Variants in ARHGAP32 observed in about 807,000 individuals in gnomAD.
The protein encoded by ARHGAP32 is rho GTPase-activating protein 32.
ARHGAP32 carries 51 observed loss-of-function variants against 186.5 expected under a neutral mutation model. The observed-to-expected ratio is 0.27, with a 90% CI of 0.22 to 0.35. The LOEUF is 0.35. Among genes scored for constraint, ARHGAP32 ranks in the 10% least tolerant of loss-of-function variants. ARHGAP32 has a pLI of 1.00. For missense variants in ARHGAP32, 2,186 were observed against 2,623.5 expected (o/e 0.83, Z 3.64); for synonymous variants, 950 against 964.3 (o/e 0.99, Z 0.27).
intron 2 of ARHGAP32, chr11:129,126,101 G>C (rs1565434679): frequency 8.3e-6 from 2 of 241,712 alleles, no homozygotes; most frequent in African/African-American, 4.7e-5. Context: ...TATCATACTA[G>C]AAAAAAATTT....
chr11:129,067,245 G>T (rs1274566980), intron 6 of ARHGAP32, among the ~76,000 whole-genome samples: 8 of 151,966 alleles, frequency 5.3e-5, no homozygotes. Context: ...ATCAGGTTTT[G>T]ATTTGTTACT....
At chr11:129,195,988 G>C (rs73019177), upstream of ARHGAP32, among the ~76,000 whole-genome samples, 1,471 of 152,274 alleles carry the variant, frequency 9.7e-3, 19 homozygotes, top group Middle Eastern at 0.031. Flanking sequence ...CTTTTATGGA[G>C]CTGAAGTCTT....
Position 128,969,761 on chromosome 11 carries a change from G to A in ARHGAP32, c.5452C>T (p.Leu1818Phe), listed in dbSNP as rs766326712. Reference protein sequence around the residue: ...SKSDPGKTGLLSVAEGKESRH... With the variant: ...SKSDPGKTGLFSVAEGKESRH... The stretch of plus-strand genomic sequence containing the variant: ...CTCTCCTTTCCTTCTGCCACTGAGA[G>A]AAGTCCAGTTTTCCCAGGATCTGAT... The change falls in exon 23 of 23, where the codon CTC becomes TTC. Residue 1818 changes from leucine to phenylalanine, a missense_variant. Around this residue, in one of 5 missense-constraint regions of ARHGAP32, gnomAD observed 1,502 missense variants for 1,570.0 expected, o/e 0.96. Transcript: ENST00000682385. This position sits in a 1 kb window ranked among gnomAD's most constrained non-coding sequence, Gnocchi z 4.8. The A allele has an allele frequency of 6.2e-7, 1 of 1,614,150 alleles. No homozygotes were observed. Among genetic ancestry groups the A allele is most frequent in the Admixed American group, 1.7e-5 (1 of 60,026 alleles).
intron 1 of ARHGAP32, among the ~76,000 whole-genome samples, chr11:129,236,580 G>A (rs1182806621): frequency 6.6e-6 from 1 of 151,976 alleles, no homozygotes; most frequent in Non-Finnish European, 1.5e-5. Flanking sequence ...TTCACTTTTG[G>A]GTTCTCAGTC....
chr11:129,066,632 C>G, intron 7 of ARHGAP32, 99 bp downstream of exon 7: 1 of 1,099,814 alleles, frequency 9.1e-7, no homozygotes, highest in Non-Finnish European at 1.2e-6. Flanking sequence ...AGGAATCACC[C>G]TGCGTGTTCA....
At chr11:129,039,789 G>A (rs1010974256) in intron 11 of ARHGAP32, among the ~76,000 whole-genome samples, 1 of 152,100 alleles carries the variant, frequency 6.6e-6, no homozygotes, top group African/African-American at 2.4e-5. Context: ...CTACAGTTAC[G>A]AATGAAGATT....
At chr11:129,178,970 G>C (rs1339920378) in intron 1 of ARHGAP32, among the ~76,000 whole-genome samples, 1 of 151,922 alleles carries the variant, frequency 6.6e-6, no homozygotes, top group African/African-American at 2.4e-5. Context: ...AAGAGCTTCT[G>C]CACAGCAAAA....
In ARHGAP32 at chr11:128,971,118, A is replaced by G; in HGVS notation, c.4095T>C (p.Pro1365=). ...VVPVPERPPE[P]RAMDDPASAF... ...CAGACGCAGGGTCATCCATGGCTCG[A>G]GGTTCAGGTGGCCTCTCTGGAACTG... The change falls in exon 23 of 23, where the codon CCT becomes CCC. Residue 1365 remains proline (P), a synonymous_variant. Coordinates refer to ENST00000682385, the MANE Select transcript of ARHGAP32 (RefSeq NM_001378024.1). The G allele has an allele frequency of 6.2e-7, 1 of 1,614,002 alleles. No individual in the cohort carries two copies. The highest frequency in any genetic ancestry group is 8.5e-7 in the Non-Finnish European group (1 of 1,179,888).
At chr11:129,178,215 C>G (rs528816483) in intron 1 of ARHGAP32, among the ~76,000 whole-genome samples, 327 of 152,016 alleles carry the variant, frequency 2.2e-3, no homozygotes, top group Admixed American at 3.5e-3. Flanking sequence ...GAATAAAATA[C>G]CTAGGAATCC....
In ARHGAP32 at chr11:129,163,206, A is replaced by G. The variant is rs1943565593; in HGVS notation, c.225+1113T>C. 3.3e-5 allele frequency among the ~76,000 whole-genome samples: 5 copies of G among 152,174 alleles called. No homozygotes were observed. In the South Asian group the frequency reaches 1.0e-3, roughly 32 times the overall value. ...TGTGCCTGAGTGAAAGACATTTTCA[A>G]AAATGAAGTAAGTAAAATATCATTA... On this transcript the variant is annotated intron_variant, in intron 2 of 22. Coordinates refer to ENST00000682385, the MANE Select transcript of ARHGAP32 (RefSeq NM_001378024.1).
chr11:128,987,437 T>TA (rs1271906080), intron 13 of ARHGAP32, among the ~76,000 whole-genome samples: 3 of 152,186 alleles, frequency 2.0e-5, no homozygotes, highest in Admixed American at 6.5e-5. Context: ...TATGATCTGT[T>TA]AAAGTATTAA....
At chr11:129,268,804 C>T (rs1348041361) in intron 1 of ARHGAP32, among the ~76,000 whole-genome samples, 1 of 151,848 alleles carries the variant, frequency 6.6e-6, no homozygotes, top group African/African-American at 2.4e-5. Context: ...CTACTGCTAC[C>T]AGCTGGATCC....
upstream of ARHGAP32, among the ~76,000 whole-genome samples, chr11:129,193,735 ATATAT>A (rs1944350597): frequency 1.1e-5 from 1 of 94,832 alleles, no homozygotes; most frequent in Admixed American, 1.7e-4. Context: ...TATATATAAT[ATATAT>A]TATATAATAC....
At chr11:129,151,066 G>A (rs927384381) in intron 2 of ARHGAP32, among the ~76,000 whole-genome samples, 1 of 152,056 alleles carries the variant, frequency 6.6e-6, no homozygotes, top group Admixed American at 6.6e-5. Context: ...CAAATGCAAG[G>A]AGGAGTAGCA....
chr11:129,126,970 T>A (rs1942676836), intron 2 of ARHGAP32, among the ~76,000 whole-genome samples: 1 of 152,210 alleles, frequency 6.6e-6, no homozygotes, highest in Admixed American at 6.5e-5. Context: ...TTTTCACTAC[T>A]CTGTATTGTT....
chr11:129,199,346 G>A (rs553344284), intron 1 of ARHGAP32, among the ~76,000 whole-genome samples: 1 of 152,228 alleles, frequency 6.6e-6, no homozygotes, highest in Non-Finnish European at 1.5e-5. Context: ...AGATCTTTGT[G>A]GCAGTCCTTC....
At chr11:129,247,201 T>C (rs575392275) in intron 1 of ARHGAP32, among the ~76,000 whole-genome samples, 3 of 152,238 alleles carry the variant, frequency 2.0e-5, no homozygotes, top group African/African-American at 7.2e-5. Context: ...TACGCCCCCA[T>C]ATAAACAACT....
intron 1 of ARHGAP32, among the ~76,000 whole-genome samples, chr11:129,209,036 T>A (rs1207919501): frequency 6.6e-6 from 1 of 152,138 alleles, no homozygotes; most frequent in African/African-American, 2.4e-5. Context: ...TTAAACAGCA[T>A]TGTTTTCCAA....
intron 1 of ARHGAP32, among the ~76,000 whole-genome samples, chr11:129,181,988 G>A (rs1476826302): frequency 6.6e-6 from 1 of 152,060 alleles, no homozygotes. Flanking sequence ...GCCACACAGA[G>A]TATAAAAGCA....
Sources: allele counts gnomAD v4.1 joint callset (sites outside exome capture counted in the v4.1 genomes callset), GRCh38; gene constraint gnomAD v4.1.1; regional missense constraint gnomAD v4.1.1; non-coding constraint Gnocchi (gnomAD v3.1); transcripts MANE v1.5; gene names NCBI Gene and HGNC (gene_info 2026-07-23, HGNC 2026-07-21).